Variants in TTLL11 observed in about 807,000 individuals in gnomAD.
TTLL11 encodes tubulin tyrosine ligase like 11.
TTLL11 carries 42 observed loss-of-function variants against 51.7 expected under a neutral mutation model. The ratio of observed to expected loss-of-function variants is 0.81; its 90% confidence interval spans 0.64 to 1.05. TTLL11 has a LOEUF of 1.05. Among genes scored for constraint, TTLL11 ranks in the 50% least tolerant of loss-of-function variants. The pLI, the probability that TTLL11 is intolerant of heterozygous loss-of-function variation, is 0.00. For missense variants in TTLL11, 799 were observed against 940.4 expected, an observed-to-expected ratio of 0.85 and a Z score of 1.97; for synonymous variants, 381 against 383.5, an observed-to-expected ratio of 0.99 and a Z score of 0.08.
chr9:121,920,772 C>T (rs1840509466), intron 6 of TTLL11, among the ~76,000 whole-genome samples: 1 of 152,144 alleles, frequency 6.6e-6, no homozygotes, highest in South Asian at 2.1e-4. Flanking sequence ...TTTATACCAC[C>T]AAATATGGCC....
At chr9:122,044,899 G>A (rs932348793) in intron 1 of TTLL11, among the ~76,000 whole-genome samples, 1 of 151,694 alleles carries the variant, frequency 6.6e-6, no homozygotes. Context: ...TTCAAGACCA[G>A]CCTGAGCAAC....
At chr9:121,992,426 C>T (rs186087566) in intron 3 of TTLL11, among the ~76,000 whole-genome samples, 6 of 152,276 alleles carry the variant, frequency 3.9e-5, no homozygotes, top group Non-Finnish European at 8.8e-5. Flanking sequence ...TATTCCTGGG[C>T]CCCAGCCTCA....
intron 6 of TTLL11, among the ~76,000 whole-genome samples, chr9:121,897,425 C>A (rs1476366191): frequency 6.6e-6 from 1 of 152,112 alleles, no homozygotes; most frequent in East Asian, 1.9e-4. Flanking sequence ...CTGGCTTCGG[C>A]TCATTTTTCT....
intron 3 of TTLL11, among the ~76,000 whole-genome samples, chr9:122,003,954 A>C (rs959561061): frequency 5.3e-5 from 8 of 150,882 alleles, no homozygotes; most frequent in Non-Finnish European, 1.2e-4. Flanking sequence ...TCTCTACTAA[A>C]AATACAAAAA....
rs542782941 is a variant in TTLL11 at position 121,915,789 on chromosome 9, C to T, written c.1482-45041G>A. On this transcript the variant is annotated intron_variant, in intron 6 of 8. Coordinates refer to ENST00000321582, the MANE Select transcript of TTLL11 (RefSeq NM_001139442.2). ...ATCTTCACAATTTGGGTTTCTTTTT[C>T]GTTTACATTTTATTGGCTTATAAAG... Among the ~76,000 whole-genome samples, 18 of 151,904 alleles carry T rather than the reference C, an allele frequency of 1.2e-4. No individual in the cohort carries two copies. In the South Asian group the frequency reaches 2.3e-3, roughly 19 times the overall value.
chr9:121,847,749 T>C (rs1007816469), intron 8 of TTLL11, among the ~76,000 whole-genome samples: 4 of 152,236 alleles, frequency 2.6e-5, no homozygotes, highest in Non-Finnish European at 5.9e-5. Flanking sequence ...ACAAATTCTC[T>C]ACAATCTCTT....
chr9:121,994,088 G>A (rs904704763), intron 3 of TTLL11, among the ~76,000 whole-genome samples: 1 of 152,180 alleles, frequency 6.6e-6, no homozygotes, highest in Non-Finnish European at 1.5e-5. Flanking sequence ...CAATTTCTGA[G>A]TCCACTTAAG....
At chr9:121,826,149 G>T (rs1836742806) in intron 8 of TTLL11, among the ~76,000 whole-genome samples, 1 of 41,786 alleles carries the variant, frequency 2.4e-5, no homozygotes, top group Non-Finnish European at 4.0e-5. Flanking sequence ...TTTTATCAAA[G>T]TAGAATATAT....
chr9:121,935,691 C>T (rs1373764325), intron 6 of TTLL11, among the ~76,000 whole-genome samples: 1 of 152,068 alleles, frequency 6.6e-6, no homozygotes, highest in African/African-American at 2.4e-5. Context: ...AAACTTGAGA[C>T]GGTGACTGGA....
At chr9:121,837,933 T>C (rs1837226424) in intron 8 of TTLL11, among the ~76,000 whole-genome samples, 1 of 152,196 alleles carries the variant, frequency 6.6e-6, no homozygotes, top group African/African-American at 2.4e-5. Context: ...CATCTCGCTC[T>C]CCTGCTTCTT....
At chr9:122,023,779 T>C (rs535762326) in intron 3 of TTLL11, among the ~76,000 whole-genome samples, 2 of 150,382 alleles carry the variant, frequency 1.3e-5, no homozygotes, top group East Asian at 1.9e-4. Context: ...ACAAAATCCA[T>C]GGAAACAAGA....
rs560522878 is a variant in TTLL11, at chr9:121,862,522, GC to G, written c.1734-2080del. Among the ~76,000 whole-genome samples the G allele has an allele frequency of 2.2e-3, 342 of 152,262 alleles. 3 individuals are homozygous for G. Among genetic ancestry groups the G allele is most frequent in the African/African-American group, 7.8e-3 (325 of 41,548 alleles). On this transcript the variant is annotated intron_variant, in intron 7 of 8. Coordinates refer to ENST00000321582, the MANE Select transcript of TTLL11 (RefSeq NM_001139442.2). ...CATCTCACCCCAGAGGCTGCCTGGA[GC>G]CCAACCTTTCAGTGAGTGACCCTGC... is the stretch of plus-strand genomic sequence containing the variant.
chr9:121,914,348 C>G (rs1840247387), intron 6 of TTLL11, among the ~76,000 whole-genome samples: 1 of 152,202 alleles, frequency 6.6e-6, no homozygotes, highest in African/African-American at 2.4e-5. Context: ...GAAGTTTGCC[C>G]TCTCCAGGCA....
At chr9:122,019,739 G>A (rs2131776550) in intron 3 of TTLL11, among the ~76,000 whole-genome samples, 1 of 152,324 alleles carries the variant, frequency 6.6e-6, no homozygotes, top group Admixed American at 6.5e-5. Flanking sequence ...GCATGATACG[G>A]TTTGGCTGTG....
chr9:121,842,989 G>A (rs1372867806), intron 8 of TTLL11, among the ~76,000 whole-genome samples: 2 of 152,138 alleles, frequency 1.3e-5, no homozygotes, highest in Admixed American at 6.5e-5. Flanking sequence ...GGAGATGTGC[G>A]AAATGCTAAC....
intron 3 of TTLL11, among the ~76,000 whole-genome samples, chr9:122,016,728 A>G (rs1050473460): frequency 2.0e-5 from 3 of 152,240 alleles, no homozygotes; most frequent in African/African-American, 7.2e-5. Flanking sequence ...TCCCTCCAAG[A>G]AACTGCAAAA....
chr9:121,894,941 T>G (rs1839395339), intron 6 of TTLL11, among the ~76,000 whole-genome samples: 1 of 152,002 alleles, frequency 6.6e-6, no homozygotes, highest in Non-Finnish European at 1.5e-5. Flanking sequence ...CAAGGTCCAA[T>G]CCCTAAAAAC....
chr9:121,822,393 T>G lies in TTLL11; in HGVS notation c.*194A>C. 2.2e-6 allele frequency: 1 copy of G among 457,322 alleles called. No homozygotes were observed. Among genetic ancestry groups the G allele is most frequent in the Non-Finnish European group, 3.9e-6 (1 of 259,532 alleles). The allele number at this position is 457,322 out of a possible 1,614,324, so 28.3% of individuals were successfully genotyped here. On this transcript the variant is annotated 3_prime_UTR_variant, in exon 9 of 9. Transcript: ENST00000321582. The surrounding 1 kb of genome is among the most constrained non-coding windows in gnomAD (Gnocchi z 5.8). ...AGAAACAGGGTGTATCACCAGGAGG[T>G]GTGAGGAGGAAGGCAGGTGAGAACC... is the stretch of plus-strand genomic sequence containing the variant.
intron 6 of TTLL11, among the ~76,000 whole-genome samples, chr9:121,910,625 A>G (rs543467916): frequency 2.6e-5 from 4 of 152,348 alleles, no homozygotes; most frequent in African/African-American, 9.6e-5. Context: ...GTGGGTTTGT[A>G]GGGAAAGTGA....
Sources: gnomAD v4.1 joint callset for allele counts (sites outside exome capture counted in the v4.1 genomes callset) on GRCh38, gnomAD v4.1.1 for gene constraint, Gnocchi (gnomAD v3.1) non-coding constraint, MANE v1.5 for transcripts, NCBI Gene and HGNC (gene_info 2026-07-23, HGNC 2026-07-21) for gene names.